The following KCNIP4 variants were observed in gnomAD, a reference collection of about 807,000 sequenced individuals.
The protein encoded by KCNIP4 is potassium voltage-gated channel interacting protein 4.
In KCNIP4, 12 loss-of-function variants were observed where a neutral mutation model predicts 34.0. The observed-to-expected ratio is 0.35, with a 90% confidence interval of 0.23 to 0.57. The LOEUF (loss-of-function observed/expected upper bound fraction) is 0.57, where lower values mean the gene tolerates loss of function less well. KCNIP4 is among the 20% of genes least tolerant of loss of function. KCNIP4 has a pLI of 0.83. For missense variants in KCNIP4, 238 were observed against 311.7 expected, an observed-to-expected ratio of 0.76 and a Z score of 1.78; for synonymous variants, 124 against 102.2, an observed-to-expected ratio of 1.21 and a Z score of -1.29.
intron 1 of KCNIP4, among the ~76,000 whole-genome samples, chr4:21,530,401 G>A (rs1299808035): frequency 6.6e-6 from 1 of 152,022 alleles, no homozygotes; most frequent in African/African-American, 2.4e-5. Context: ...GTGAGTAGTT[G>A]TCTTTAAAGT....
intron 1 of KCNIP4, among the ~76,000 whole-genome samples, chr4:20,976,664 C>A (rs935438252): frequency 6.6e-6 from 1 of 151,994 alleles, no homozygotes. Context: ...ACCTGTGGGC[C>A]CCTGGAAGGA....
intron 1 of KCNIP4, among the ~76,000 whole-genome samples, chr4:21,765,006 G>C (rs1718312131): frequency 1.3e-5 from 2 of 151,958 alleles, no homozygotes; most frequent in Admixed American, 1.3e-4. Flanking sequence ...TGTCAACTTG[G>C]GATGGAGCCT....
At chr4:21,468,271 G>T (rs1730161095) in intron 1 of KCNIP4, among the ~76,000 whole-genome samples, 1 of 151,000 alleles carries the variant, frequency 6.6e-6, no homozygotes, top group Non-Finnish European at 1.5e-5. Context: ...AAAGGAAGAA[G>T]AAGAGAATAA....
chr4:21,263,985 G>A (rs991883490), intron 1 of KCNIP4, among the ~76,000 whole-genome samples: 20 of 151,998 alleles, frequency 1.3e-4, no homozygotes, highest in African/African-American at 4.6e-4. Context: ...GTGTGTGTGT[G>A]TGTGTGTATC....
Position 21,694,940 on chromosome 4 carries a change from ATAAAT to A in KCNIP4, c.61+253626_61+253630del, listed in dbSNP as rs751422447. ...AAAAAAAAAAAAAAAATAAAAATAA[ATAAAT>A]AAATAAAGGGCTTTTTGGTAAAAAG... On this transcript the variant is annotated intron_variant, in intron 1 of 8. Transcript: ENST00000382152. Among the ~76,000 whole-genome samples, 210 of 47,138 alleles carry A rather than the reference ATAAAT, an allele frequency of 4.5e-3. 12 individuals carry two copies. Among genetic ancestry groups the A allele is most frequent in the African/African-American group, 0.012 (199 of 17,264 alleles). 30.9% of individuals were successfully genotyped at this position (47,138 alleles called of 152,430 possible).
At chr4:21,357,053 G>A (rs373056364) in intron 1 of KCNIP4, among the ~76,000 whole-genome samples, 164 of 152,014 alleles carry the variant, frequency 1.1e-3, no homozygotes, top group African/African-American at 3.7e-3. Flanking sequence ...CTTACAAAAA[G>A]TATAAATGGG....
intron 1 of KCNIP4, among the ~76,000 whole-genome samples, chr4:21,461,338 T>G (rs187270655): frequency 1.1e-3 from 163 of 152,200 alleles, no homozygotes; most frequent in Admixed American, 2.2e-3. Flanking sequence ...TTAAACCCAT[T>G]TTCTTCTTAA....
At chr4:21,804,240 C>T (rs757553248) in intron 1 of KCNIP4, among the ~76,000 whole-genome samples, 8 of 152,206 alleles carry the variant, frequency 5.3e-5, no homozygotes, top group Non-Finnish European at 1.0e-4. Context: ...AAAGAAACAG[C>T]AGTCATGTTA....
intron 3 of KCNIP4, among the ~76,000 whole-genome samples, chr4:20,818,912 T>C (rs1189382527): frequency 1.3e-5 from 2 of 149,440 alleles, no homozygotes; most frequent in Non-Finnish European, 3.0e-5. Flanking sequence ...ATTCTATATA[T>C]ATTATCTCTT....
At chr4:21,939,342 A>G (rs996571744) in intron 1 of KCNIP4, among the ~76,000 whole-genome samples, 3 of 152,154 alleles carry the variant, frequency 2.0e-5, no homozygotes, top group African/African-American at 7.2e-5. Flanking sequence ...CAGAAGTGTT[A>G]GTATTTATTA....
intron 1 of KCNIP4, among the ~76,000 whole-genome samples, chr4:21,773,351 TA>T (rs1349107113): frequency 6.6e-6 from 1 of 152,192 alleles, no homozygotes; most frequent in Non-Finnish European, 1.5e-5. Context: ...TGGTCAATTT[TA>T]GAATAAGTGC....
At chr4:21,626,368 A>G (rs1472881993) in intron 1 of KCNIP4, among the ~76,000 whole-genome samples, 1 of 149,358 alleles carries the variant, frequency 6.7e-6, no homozygotes, top group African/African-American at 2.5e-5. Context: ...AAAAACAGAT[A>G]CCAGAGAGCT....
intron 1 of KCNIP4, among the ~76,000 whole-genome samples, chr4:21,760,098 T>A (rs888790626): frequency 7.9e-5 from 12 of 152,064 alleles, no homozygotes; most frequent in African/African-American, 2.7e-4. Context: ...ACAATGATGT[T>A]CTCACCCATA....
intron 1 of KCNIP4, among the ~76,000 whole-genome samples, chr4:20,957,392 G>A (rs1184171688): frequency 6.6e-6 from 1 of 152,130 alleles, no homozygotes; most frequent in Non-Finnish European, 1.5e-5. Flanking sequence ...CATAATGTAT[G>A]ATCCCATTTT....
At chr4:21,397,287 C>T (rs1723086264) in intron 1 of KCNIP4, among the ~76,000 whole-genome samples, 1 of 152,184 alleles carries the variant, frequency 6.6e-6, no homozygotes, top group African/African-American at 2.4e-5. Flanking sequence ...ATTTAAAACA[C>T]TCCATTGATG....
At chr4:20,898,016 C>T (rs1161619391) in intron 1 of KCNIP4, among the ~76,000 whole-genome samples, 2 of 152,150 alleles carry the variant, frequency 1.3e-5, no homozygotes, top group Non-Finnish European at 2.9e-5. Context: ...AGAAGACCCA[C>T]CCTCACCAGT....
intron 1 of KCNIP4, among the ~76,000 whole-genome samples, chr4:21,435,332 C>G (rs1429100231): frequency 6.6e-6 from 1 of 152,150 alleles, no homozygotes; most frequent in Non-Finnish European, 1.5e-5. Context: ...CAACCAGATG[C>G]TATTCTAGTC....
chr4:21,908,064 G>C (rs1728097666), intron 1 of KCNIP4, among the ~76,000 whole-genome samples: 1 of 151,956 alleles, frequency 6.6e-6, no homozygotes, highest in African/African-American at 2.4e-5. Context: ...TGCTCCAAAA[G>C]TCTCTGCCTG....
intron 1 of KCNIP4, among the ~76,000 whole-genome samples, chr4:21,135,172 T>C (rs939489495): frequency 6.6e-6 from 1 of 152,214 alleles, no homozygotes; most frequent in African/African-American, 2.4e-5. Context: ...CTGCCTCTTA[T>C]AAAGTATATC....
Sources: allele counts gnomAD v4.1 joint callset (sites outside exome capture counted in the v4.1 genomes callset), GRCh38; gene constraint gnomAD v4.1.1; transcripts MANE v1.5; gene names NCBI Gene and HGNC (gene_info 2026-07-23, HGNC 2026-07-21).